The following DKK2 variants were observed in gnomAD, a reference collection of about 807,000 sequenced individuals.
DKK2 encodes the protein dickkopf-related protein 2.
Under a neutral mutation model 28.1 loss-of-function variants are expected in DKK2, and 11 were observed. The ratio of observed to expected loss-of-function variants is 0.39; its 90% CI spans 0.25 to 0.65. DKK2 has a LOEUF of 0.65. Among genes scored for constraint, DKK2 ranks in the 30% least tolerant of loss-of-function variants. The probability of loss-of-function intolerance (pLI) is 0.47; values close to 1 mark genes in which losing one functional copy is unlikely to be tolerated. For synonymous variants in DKK2, 135 were observed against 126.5 expected (o/e 1.07, Z -0.45); for missense variants, 326 against 335.5 (o/e 0.97, Z 0.22).
At chr4:106,924,515 A>AG in intron 3 of DKK2, 30 bp downstream of exon 3, 1 of 1,586,578 alleles carries the variant, frequency 6.3e-7, no homozygotes. Context: ...CTTTATTTTA[A>AG]AAAAACCCCA....
chr4:106,957,924 T>TAATTAATTAATTAATTTTAA (rs1382380304), intron 1 of DKK2, among the ~76,000 whole-genome samples: 1 of 150,342 alleles, frequency 6.7e-6, no homozygotes, highest in Non-Finnish European at 1.5e-5. Context: ...ATTAATTAAT[T>TAATTAATTAATTAATTTTAA]AATTAATTAA....
chr4:106,955,397 C>T (rs1722575001), intron 1 of DKK2, among the ~76,000 whole-genome samples: 1 of 152,232 alleles, frequency 6.6e-6, no homozygotes, highest in East Asian at 1.9e-4. Flanking sequence ...TTTGCTGGCT[C>T]CAATTGCTAG....
intron 1 of DKK2, among the ~76,000 whole-genome samples, chr4:106,939,056 C>G (rs908145956): frequency 6.6e-5 from 10 of 152,214 alleles, no homozygotes; most frequent in African/African-American, 2.4e-4. Context: ...TGGCACAAGA[C>G]AGGGATGCCC....
At chr4:106,925,410 C>G (rs2110338956) in intron 2 of DKK2, among the ~76,000 whole-genome samples, 1 of 152,266 alleles carries the variant, frequency 6.6e-6, no homozygotes, top group East Asian at 1.9e-4. Flanking sequence ...TAAGACTGAG[C>G]CACAGAACAT....
chr4:107,002,897 CTT>C (rs1723380319), intron 1 of DKK2, among the ~76,000 whole-genome samples: 2 of 152,182 alleles, frequency 1.3e-5, no homozygotes, highest in Non-Finnish European at 2.9e-5. Context: ...ATACCCATCT[CTT>C]AGCATTGTTG....
chr4:106,965,818 T>C (rs1391410570), intron 1 of DKK2, among the ~76,000 whole-genome samples: 1 of 144,856 alleles, frequency 6.9e-6, no homozygotes, highest in African/African-American at 2.6e-5. Flanking sequence ...ATTGTTCAAT[T>C]CCCACCTATG....
intron 1 of DKK2, among the ~76,000 whole-genome samples, chr4:106,980,713 T>A (rs1723014887): frequency 1.3e-5 from 2 of 152,226 alleles, no homozygotes; most frequent in Non-Finnish European, 2.9e-5. Context: ...ACATGCTTAT[T>A]AAGCAGGTTT....
At chr4:106,965,828 G>A (rs552331616) in intron 1 of DKK2, among the ~76,000 whole-genome samples, 5 of 142,566 alleles carry the variant, frequency 3.5e-5, no homozygotes, top group Non-Finnish European at 7.5e-5. Context: ...TCCCACCTAT[G>A]AGTGAGAATA....
intron 1 of DKK2, among the ~76,000 whole-genome samples, chr4:106,994,850 G>A (rs530100895): frequency 6.6e-6 from 1 of 152,332 alleles, no homozygotes; most frequent in East Asian, 1.9e-4. Flanking sequence ...AAGGGCTCCT[G>A]TTTGGCCAAC....
intron 1 of DKK2, among the ~76,000 whole-genome samples, chr4:106,931,761 C>T (rs190456918): frequency 2.2e-3 from 337 of 152,200 alleles, no homozygotes; most frequent in Middle Eastern, 0.01. Context: ...TACAAGTCAT[C>T]GCAACTATTT....
At position 106,941,065 on chromosome 4, in the gene DKK2, A is replaced by C. The variant is rs1724690596; in HGVS notation, c.223-15116T>G. Among the ~76,000 whole-genome samples, 3 of 152,138 alleles carry C rather than the reference A, an allele frequency of 2.0e-5. No homozygotes were observed. In the South Asian group the frequency reaches 6.2e-4, roughly 31 times the overall value. On this transcript the variant is annotated intron_variant, in intron 1 of 3. Transcript: ENST00000285311. ...ATGGCACATGTATACATATGTAACTAACCTGCACAATGTGCACATGTACCC... is the reference window on the plus strand; with the variant it reads ...ATGGCACATGTATACATATGTAACTCACCTGCACAATGTGCACATGTACCC...
intron 1 of DKK2, among the ~76,000 whole-genome samples, chr4:106,974,230 T>G (rs1432221352): frequency 6.6e-6 from 1 of 152,166 alleles, no homozygotes; most frequent in Non-Finnish European, 1.5e-5. Flanking sequence ...ATGGGCTCTT[T>G]TTTGGGTCCA....
At chr4:106,971,388 C>A (rs1490984947) in intron 1 of DKK2, among the ~76,000 whole-genome samples, 1 of 152,058 alleles carries the variant, frequency 6.6e-6, no homozygotes, top group African/African-American at 2.4e-5. Flanking sequence ...CAGCTTATAT[C>A]TACACTCTGT....
chr4:106,974,021 G>A (rs934670462), intron 1 of DKK2, among the ~76,000 whole-genome samples: 2 of 151,950 alleles, frequency 1.3e-5, no homozygotes, highest in Non-Finnish European at 2.9e-5. Flanking sequence ...TTTTTGTCAG[G>A]TTTGTCAAAG....
At chr4:106,934,091 G>C (rs189054524) in intron 1 of DKK2, among the ~76,000 whole-genome samples, 16 of 149,060 alleles carry the variant, frequency 1.1e-4, no homozygotes, top group African/African-American at 3.7e-4. Flanking sequence ...ACACACATAT[G>C]TATGTATAAA....
At chr4:106,936,727 T>A (rs1724595314) in intron 1 of DKK2, among the ~76,000 whole-genome samples, 1 of 152,138 alleles carries the variant, frequency 6.6e-6, no homozygotes, top group African/African-American at 2.4e-5. Context: ...AAAGGTCGGG[T>A]TACCCACAAA....
chr4:106,975,778 C>A (rs1343945054), intron 1 of DKK2, among the ~76,000 whole-genome samples: 1 of 152,086 alleles, frequency 6.6e-6, no homozygotes, highest in African/African-American at 2.4e-5. Context: ...TTGTCTTCTG[C>A]TAGCTTTTGA....
intron 1 of DKK2, among the ~76,000 whole-genome samples, chr4:107,005,340 C>CAAAAAAAAAAA (rs35333301): frequency 2.8e-5 from 2 of 72,464 alleles, no homozygotes; most frequent in Non-Finnish European, 5.4e-5. Context: ...GACTTGGTCT[C>CAAAAAAAAAAA]AAAAAAAAAA....
chr4:106,934,867 G>T (rs1478696484), intron 1 of DKK2, among the ~76,000 whole-genome samples: 1 of 152,148 alleles, frequency 6.6e-6, no homozygotes, highest in Non-Finnish European at 1.5e-5. Flanking sequence ...GATACTTTAA[G>T]GGCTACAAAA....
Sources: gnomAD v4.1 joint callset for allele counts (sites outside exome capture counted in the v4.1 genomes callset) on GRCh38, gnomAD v4.1.1 for gene constraint, MANE v1.5 for transcripts, NCBI Gene and HGNC (gene_info 2026-07-23, HGNC 2026-07-21) for gene names.